RAB7B: variants seen among roughly 807,000 people sequenced by gnomAD.
RAB7B encodes the protein ras-related protein Rab-7b.
chr1:206,000,666 G>C (rs976345135), intron 1 of RAB7B, among the ~76,000 whole-genome samples: 9 of 152,222 alleles, frequency 5.9e-5, no homozygotes, highest in African/African-American at 2.2e-4. Context: ...AGCTGGGAGA[G>C]GGGGTGAGTC....
intron 1 of RAB7B, among the ~76,000 whole-genome samples, chr1:205,998,662 A>G (rs1488765362): frequency 6.6e-6 from 1 of 152,252 alleles, no homozygotes; most frequent in African/African-American, 2.4e-5. Context: ...ACGCTGTCAC[A>G]CGACCATGCA....
At chr1:205,995,760 G>T (rs1466159990) in intron 1 of RAB7B, among the ~76,000 whole-genome samples, 1 of 152,086 alleles carries the variant, frequency 6.6e-6, no homozygotes, top group Non-Finnish European at 1.5e-5. Context: ...GATGTTAGAG[G>T]ATAAAAAATT....
intron 1 of RAB7B, among the ~76,000 whole-genome samples, chr1:205,999,479 G>C (rs1660857212): frequency 6.6e-6 from 1 of 152,154 alleles, no homozygotes; most frequent in African/African-American, 2.4e-5. Context: ...CAATATTTAG[G>C]GTTGGCAAGT....
chr1:206,001,409 GA>G (rs1266677419), intron 1 of RAB7B, among the ~76,000 whole-genome samples: 1 of 152,026 alleles, frequency 6.6e-6, no homozygotes, highest in African/African-American at 2.4e-5. Flanking sequence ...TATCATTAAG[GA>G]ATTTTTCTAT....
chr1:206,000,271 T>C (rs1660870435), intron 1 of RAB7B, among the ~76,000 whole-genome samples: 1 of 152,254 alleles, frequency 6.6e-6, no homozygotes, highest in African/African-American at 2.4e-5. Flanking sequence ...ATATATGTTT[T>C]GTTTTAAAAT....
At chr1:205,997,117 C>T (rs1660821793) in intron 1 of RAB7B, among the ~76,000 whole-genome samples, 2 of 152,308 alleles carry the variant, frequency 1.3e-5, no homozygotes, top group Non-Finnish European at 2.9e-5. Flanking sequence ...CTGCTCTAAC[C>T]CAGGAATGCT....
At chr1:205,999,322 C>A (rs949839053) in intron 1 of RAB7B, among the ~76,000 whole-genome samples, 1 of 152,156 alleles carries the variant, frequency 6.6e-6, no homozygotes, top group South Asian at 2.1e-4. Flanking sequence ...GGGCAAAGAA[C>A]GTGAACAAGT....
chr1:205,978,826 GGCTTCCAGAGCA>G lies in RAB7B; in HGVS notation c.*13_*24del, dbSNP rs2102629647. ...AGGCTCGGGGCAGGCTCTGTTTCTG[GGCTTCCAGAGCA>G]GGCGTCTGGAGGTCAGCAGCATCTG... On this transcript the variant is annotated 3_prime_UTR_variant, in exon 6 of 6. Coordinates refer to ENST00000617070, the MANE Select transcript of RAB7B (RefSeq NM_001164522.3). The G allele has an allele frequency of 2.5e-6, 1 of 398,690 alleles. No individual in the cohort carries two copies. Among genetic ancestry groups the G allele is most frequent in the East Asian group, 3.6e-5 (1 of 28,066 alleles). 24.7% of individuals were successfully genotyped at this position (398,690 alleles called of 1,614,324 possible).
chr1:205,993,241 AG>A (rs2102640734), intron 3 of RAB7B, among the ~76,000 whole-genome samples, 178 bp downstream of exon 3: 1 of 152,302 alleles, frequency 6.6e-6, no homozygotes, highest in African/African-American at 2.4e-5. Flanking sequence ...GCTGTGCCCC[AG>A]TGAAGTCTTA....
At chr1:205,990,857 G>A (rs1660709827) in intron 4 of RAB7B, among the ~76,000 whole-genome samples, 1 of 147,214 alleles carries the variant, frequency 6.8e-6, no homozygotes, top group Non-Finnish European at 1.5e-5. Flanking sequence ...GTGCGATCGC[G>A]GCTCACTGCA....
intron 4 of RAB7B, among the ~76,000 whole-genome samples, chr1:205,989,664 C>T (rs901034252): frequency 5.3e-5 from 8 of 152,100 alleles, no homozygotes; most frequent in Non-Finnish European, 7.4e-5. Context: ...CCCCAGCCTC[C>T]GCCACCCCAG....
intron 4 of RAB7B, among the ~76,000 whole-genome samples, chr1:205,990,032 C>T (rs908768460): frequency 4.5e-4 from 69 of 152,158 alleles, no homozygotes; most frequent in Non-Finnish European, 8.5e-4. Flanking sequence ...CCCAGCTTCC[C>T]TCCCCACACC....
chr1:205,994,461 C>T (rs1262174833), intron 1 of RAB7B: 25 of 188,708 alleles, frequency 1.3e-4, no homozygotes, highest in Non-Finnish European at 2.6e-4. Context: ...CAGGATTAAA[C>T]AGAGGCCTCG....
At chr1:205,996,801 A>C (rs948900216) in intron 1 of RAB7B, among the ~76,000 whole-genome samples, 1 of 152,188 alleles carries the variant, frequency 6.6e-6, no homozygotes, top group Non-Finnish European at 1.5e-5. Context: ...AAGTAAACAC[A>C]TCCTTCTTTA....
At position 205,990,791 on chromosome 1, in the gene RAB7B, C is replaced by CTTTTT. The variant is rs1188419083; in HGVS notation, c.396+1684_396+1688dup. On this transcript the variant is annotated intron_variant, in intron 4 of 5. Coordinates refer to ENST00000617070, the MANE Select transcript of RAB7B (RefSeq NM_001164522.3). ...TGCAAGACTGTCTTTTTCTTTCTTTCTTTTTTTTTTTTTTGAGATGAAGTC... is the reference window on the plus strand; with the variant it reads ...TGCAAGACTGTCTTTTTCTTTCTTTCTTTTTTTTTTTTTTTTTTTGAGATGAAGTC... Among the ~76,000 whole-genome samples, 978 of 138,602 alleles carry CTTTTT rather than the reference C, an allele frequency of 7.1e-3. 25 individuals are homozygous for CTTTTT. Among genetic ancestry groups the CTTTTT allele is most frequent in the African/African-American group, 0.025 (919 of 37,050 alleles). The allele number at this position is 138,602 out of a possible 152,430, so 90.9% of individuals were successfully genotyped here.
chr1:205,982,770 C>A (rs972439911), intron 5 of RAB7B, among the ~76,000 whole-genome samples: 2 of 152,136 alleles, frequency 1.3e-5, no homozygotes, highest in Non-Finnish European at 2.9e-5. Flanking sequence ...TCTCAAAACA[C>A]CCTGGGCTGG....
chr1:205,991,582 T>C (rs1660722203), intron 4 of RAB7B, among the ~76,000 whole-genome samples: 1 of 152,214 alleles, frequency 6.6e-6, no homozygotes, highest in Non-Finnish European at 1.5e-5. Flanking sequence ...GTTAGCTCAG[T>C]TGGAAGCACC....
intron 1 of RAB7B, among the ~76,000 whole-genome samples, chr1:206,002,085 C>G (rs1660902057): frequency 6.6e-6 from 1 of 152,144 alleles, no homozygotes; most frequent in Non-Finnish European, 1.5e-5. Context: ...CCTCCTGATC[C>G]CATACCTTGG....
intron 4 of RAB7B, among the ~76,000 whole-genome samples, chr1:205,991,936 C>T (rs993457760): frequency 5.3e-4 from 80 of 152,298 alleles, no homozygotes; most frequent in African/African-American, 1.9e-3. Flanking sequence ...GTGGTTAACC[C>T]GATGGTCCGG....
Sources: allele counts gnomAD v4.1 joint callset (sites outside exome capture counted in the v4.1 genomes callset), GRCh38; gene constraint gnomAD v4.1.1; transcripts MANE v1.5; gene names NCBI Gene and HGNC (gene_info 2026-07-23, HGNC 2026-07-21).